GLP2R: variants seen among roughly 807,000 people sequenced by gnomAD.
GLP2R encodes glucagon-like peptide 2 receptor.
In GLP2R, 59 loss-of-function variants were observed where a neutral mutation model predicts 68.2. The ratio of observed to expected loss-of-function variants is 0.87; its 90% CI spans 0.70 to 1.07. The LOEUF (loss-of-function observed/expected upper bound fraction) is 1.07. GLP2R is among the 50% of genes least tolerant of loss of function. GLP2R has a pLI of 0.00. For synonymous variants in GLP2R, 270 were observed against 265.4 expected (o/e 1.02, Z -0.17); for missense variants, 548 against 677.4 (o/e 0.81, Z 2.12).
intron 3 of GLP2R, among the ~76,000 whole-genome samples, chr17:9,838,078 A>C (rs1051366603): frequency 6.6e-6 from 1 of 152,186 alleles, no homozygotes; most frequent in Non-Finnish European, 1.5e-5. Flanking sequence ...AAGCATGAGA[A>C]TGTGAGATTT....
intron 10 of GLP2R, among the ~76,000 whole-genome samples, chr17:9,879,682 G>A (rs1288340889): frequency 6.6e-6 from 1 of 152,170 alleles, no homozygotes; most frequent in Non-Finnish European, 1.5e-5. Flanking sequence ...CACGTGGGTG[G>A]CACAAGGAAT....
chr17:9,855,511 G>A (rs969235038), intron 5 of GLP2R, among the ~76,000 whole-genome samples: 1 of 152,190 alleles, frequency 6.6e-6, no homozygotes, highest in Non-Finnish European at 1.5e-5. Context: ...TTACAGAAGA[G>A]ATTAAGAATC....
intron 4 of GLP2R, chr17:9,853,454 A>T (rs2066909967): frequency 6.5e-6 from 1 of 153,902 alleles, no homozygotes. Context: ...CTCTAGAAAG[A>T]TGAACTTAAA....
At chr17:9,852,008 A>T (rs575836106) in intron 4 of GLP2R, among the ~76,000 whole-genome samples, 27 of 151,960 alleles carry the variant, frequency 1.8e-4, no homozygotes, top group Middle Eastern at 3.2e-3. Context: ...TAATTTTGTG[A>T]TGCAACCAAA....
chr17:9,860,234 G>T (rs146776689), intron 7 of GLP2R, 133 bp downstream of exon 7: 9 of 798,270 alleles, frequency 1.1e-5, no homozygotes, highest in Non-Finnish European at 1.7e-5. Flanking sequence ...AAGACAGGGA[G>T]CTTTGAAGAG....
In GLP2R at chr17:9,889,769, C is replaced by T. The variant is rs2067275706; in HGVS notation, c.*64C>T. On this transcript the variant is annotated 3_prime_UTR_variant, in exon 13 of 13. Transcript: ENST00000262441. ...CTTGAGGGGGCCCAGGAAGAGGAAG[C>T]AAAGCAGGACACACGTTGCTGGGCA... 1 of 983,130 alleles carries T rather than the reference C, an allele frequency of 1.0e-6. No homozygotes were observed. Among genetic ancestry groups the T allele is most frequent in the Non-Finnish European group, 1.5e-6 (1 of 669,896 alleles). 60.9% of individuals were successfully genotyped at this position (983,130 alleles called of 1,614,324 possible). A position where few individuals can be genotyped will look rare whatever the true frequency, so the allele number is the denominator to read the frequency against.
intron 1 of GLP2R, among the ~76,000 whole-genome samples, chr17:9,826,830 C>T (rs2066636580): frequency 6.6e-6 from 1 of 152,082 alleles, no homozygotes; most frequent in Non-Finnish European, 1.5e-5. Flanking sequence ...CTTATACTTC[C>T]AGACATTTTT....
rs1241469454 is a variant in GLP2R, at chr17:9,870,638, T to C, written c.1057-109T>C. The C allele has an allele frequency of 5.7e-6, 4 of 703,710 alleles. No homozygotes were observed. In the East Asian group the frequency reaches 1.0e-4, roughly 18 times the overall value. The allele number at this position is 703,710 out of a possible 1,614,324, so 43.6% of individuals were successfully genotyped here. A position where few individuals can be genotyped will look rare whatever the true frequency, so the allele number is the denominator to read the frequency against. On this transcript the variant is annotated intron_variant, in intron 9 of 12. Transcript: ENST00000262441. ...GGCCAGCTAACTGCTGAATTGCCCC[T>C]GGTTTACATTGAACTGATGGAACTG...
chr17:9,826,670 T>C (rs2066634918), intron 1 of GLP2R, among the ~76,000 whole-genome samples: 1 of 152,206 alleles, frequency 6.6e-6, no homozygotes, highest in Non-Finnish European at 1.5e-5. Flanking sequence ...TTTCCTTTCC[T>C]TTCCTTTCCC....
chr17:9,828,703 T>C (rs1431181896), intron 1 of GLP2R, among the ~76,000 whole-genome samples: 2 of 152,216 alleles, frequency 1.3e-5, no homozygotes, highest in Non-Finnish European at 2.9e-5. Context: ...CTGTGTTTTT[T>C]CTTCCGGAGT....
Position 9,891,726 on chromosome 17 carries a change from A to C in GLP2R, c.*2021A>C, listed in dbSNP as rs2067292279. ...AGCAAAGGTTTATTTTTTGGTGTCC[A>C]GATTATCCATAGCTCAGTCATGAAA... On this transcript the variant is annotated 3_prime_UTR_variant, in exon 13 of 13. Transcript: ENST00000262441. 1 of 152,216 alleles carries C rather than the reference A, an allele frequency of 6.6e-6. No individual in the cohort carries two copies. The highest frequency in any genetic ancestry group is 2.4e-5 in the African/African-American group (1 of 41,450). The allele number at this position is 152,216 out of a possible 1,614,324, so 9.4% of individuals were successfully genotyped here.
chr17:9,886,726 G>C lies in GLP2R; in HGVS notation c.1285-1206G>C, dbSNP rs148128328. 3.9e-5 allele frequency among the ~76,000 whole-genome samples: 6 copies of C among 152,326 alleles called. No homozygotes were observed. The East Asian group carries it at 5.8e-4, about 15-fold the overall frequency. On this transcript the variant is annotated intron_variant, in intron 11 of 12. Coordinates refer to ENST00000262441, the MANE Select transcript of GLP2R (RefSeq NM_004246.3). ...CGTGATTGCCAGTGTGGAGATCCTG[G>C]TCTGGCTCCAGAAGGGACATGCTGA...
At position 9,826,155 on chromosome 17, in the gene GLP2R, C is replaced by T. The variant is rs2066625628; in HGVS notation, c.92C>T (p.Pro31Leu). The T allele has an allele frequency of 6.2e-7, 1 of 1,612,944 alleles. No individual in the cohort carries two copies. Among genetic ancestry groups the T allele is most frequent in the Non-Finnish European group, 8.5e-7 (1 of 1,179,524 alleles). ...GAGCTGCCCATGGGCATCCCTGCCC[C>T]CTGGGGGACCAGTCCTCTCTCCTTC... is the stretch of plus-strand genomic sequence containing the variant. ...VHELPMGIPA[P>L]WGTSPLSFHR... The change falls in exon 1 of 13, where the codon CCC becomes CTC. Residue 31 changes from proline (P) to leucine (L), a missense_variant. Transcript: ENST00000262441.
chr17:9,864,787 T>A lies in GLP2R; in HGVS notation c.1056+2697T>A, dbSNP rs533961637. Among the ~76,000 whole-genome samples, 5 of 152,296 alleles carry A rather than the reference T, an allele frequency of 3.3e-5. No individual in the cohort carries two copies. The East Asian group carries it at 9.7e-4, about 29-fold the overall frequency. On this transcript the variant is annotated intron_variant, in intron 9 of 12. Transcript: ENST00000262441. ...ATCTACCCACCTCGGCCTCCCAGACTGCTGGGATTTCAGGCATGAGCCACC... is the reference window on the plus strand; with the variant it reads ...ATCTACCCACCTCGGCCTCCCAGACAGCTGGGATTTCAGGCATGAGCCACC...
Position 9,886,676 on chromosome 17 carries a change from C to A in GLP2R, c.1285-1256C>A, listed in dbSNP as rs530286334. On this transcript the variant is annotated intron_variant, in intron 11 of 12. Coordinates refer to ENST00000262441, the MANE Select transcript of GLP2R (RefSeq NM_004246.3). ...AGAAGGAAAATTCCACATTCATGGG[C>A]AGAATCCAAGCATTTGGTTGATGTC... Among the ~76,000 whole-genome samples the A allele has an allele frequency of 3.9e-5, 6 of 152,296 alleles. 1 individual carries two copies. Among genetic ancestry groups the A allele is most frequent in the Admixed American group, 2.6e-4 (4 of 15,300 alleles).
intron 1 of GLP2R, among the ~76,000 whole-genome samples, chr17:9,832,423 A>C (rs1438651387): frequency 6.6e-6 from 1 of 152,130 alleles, no homozygotes; most frequent in East Asian, 1.9e-4. Context: ...AAATACAAAA[A>C]TTAGCCAGCC....
chr17:9,832,349 C>T (rs796356889), intron 1 of GLP2R, among the ~76,000 whole-genome samples: 35 of 152,088 alleles, frequency 2.3e-4, no homozygotes, highest in African/African-American at 2.9e-4. Flanking sequence ...CTGAGGAGGG[C>T]GGATCACAAG....
chr17:9,836,299 T>TGA (rs1435678925), intron 2 of GLP2R, 72 bp from the exon 3 acceptor site: 2 of 1,011,210 alleles, frequency 2.0e-6, no homozygotes, highest in African/African-American at 3.2e-5. Flanking sequence ...GCTCCCACGG[T>TGA]GCCTCTGCCT....
Position 9,873,556 on chromosome 17 carries a change from C to CTTTTTTTTTTTTTTTTTTTTTTTTTT in GLP2R, c.1145+2744_1145+2745insTTTTTTTTTTTTTTTTTTTTTTTTTT, listed in dbSNP as rs3073988. On this transcript the variant is annotated intron_variant, in intron 10 of 12. Coordinates refer to ENST00000262441, the MANE Select transcript of GLP2R (RefSeq NM_004246.3). ...GGATATCACAAAAACTATGCATGGA[C>CTTTTTTTTTTTTTTTTTTTTTTTTTT]TTTTTTTTTTTTTTTTTTTTTTTAG... Among the ~76,000 whole-genome samples, 14 of 52,056 alleles carry CTTTTTTTTTTTTTTTTTTTTTTTTTT rather than the reference C, an allele frequency of 2.7e-4. 2 individuals are homozygous for CTTTTTTTTTTTTTTTTTTTTTTTTTT. The highest frequency in any genetic ancestry group is 4.1e-4 in the Non-Finnish European group (12 of 29,444). The allele number at this position is 52,056 out of a possible 152,430, so 34.2% of individuals were successfully genotyped here.
Sources: allele counts gnomAD v4.1 joint callset (sites outside exome capture counted in the v4.1 genomes callset), GRCh38; gene constraint gnomAD v4.1.1; transcripts MANE v1.5; gene names NCBI Gene and HGNC (gene_info 2026-07-23, HGNC 2026-07-21).